GSAP: variants seen among roughly 807,000 people sequenced by gnomAD.
GSAP encodes the protein gamma-secretase activating protein.
GSAP carries 118 observed loss-of-function variants against 131.7 expected under a neutral mutation model. The observed-to-expected ratio is 0.90, with a 90% CI of 0.77 to 1.04. The LOEUF (loss-of-function observed/expected upper bound fraction) is 1.04. Among genes scored for constraint, GSAP ranks in the 50% least tolerant of loss-of-function variants. The pLI, the probability that GSAP is intolerant of heterozygous loss-of-function variation, is 0.00. For synonymous variants in GSAP, 381 were observed against 363.4 expected (o/e 1.05, Z -0.55); for missense variants, 1,019 against 1,013.2 (o/e 1.01, Z -0.08).
At chr7:77,383,145 C>T (rs1798036323) in intron 6 of GSAP, among the ~76,000 whole-genome samples, 1 of 152,132 alleles carries the variant, frequency 6.6e-6, no homozygotes, top group Non-Finnish European at 1.5e-5. Context: ...CAAGATCATG[C>T]CACTATACTC....
intron 19 of GSAP, among the ~76,000 whole-genome samples, chr7:77,335,340 G>C (rs1229853326): frequency 6.6e-6 from 1 of 152,164 alleles, no homozygotes; most frequent in African/African-American, 2.4e-5. Flanking sequence ...AGAGGTTGCA[G>C]TAAGCCAAGA....
intron 6 of GSAP, among the ~76,000 whole-genome samples, chr7:77,385,356 G>A (rs929606015): frequency 6.6e-6 from 1 of 152,072 alleles, no homozygotes; most frequent in Non-Finnish European, 1.5e-5. Flanking sequence ...TTAAAACTGA[G>A]TTCACATAAC....
chr7:77,392,265 A>T (rs1449722909), intron 5 of GSAP, among the ~76,000 whole-genome samples: 1 of 149,730 alleles, frequency 6.7e-6, no homozygotes, highest in Non-Finnish European at 1.5e-5. Flanking sequence ...ATATCAGTGG[A>T]GACTGGACAC....
chr7:77,374,023 G>T, intron 12 of GSAP, 47 bp downstream of exon 12: 1 of 1,047,544 alleles, frequency 9.5e-7, no homozygotes. Context: ...ATTTTGTCTA[G>T]AACTCAAATA....
intron 14 of GSAP, among the ~76,000 whole-genome samples, chr7:77,358,062 T>C (rs781607862): frequency 1.3e-5 from 2 of 152,226 alleles, no homozygotes; most frequent in Non-Finnish European, 2.9e-5. Flanking sequence ...TTTTATTGGC[T>C]GGGCACGGTG....
chr7:77,356,123 CAGCCTCCCCAAAT>C, intron 14 of GSAP, among the ~76,000 whole-genome samples: 1 of 152,270 alleles, frequency 6.6e-6, no homozygotes, highest in Admixed American at 6.5e-5. Flanking sequence ...CCTCCTGCCT[CAGCCTCCCCAAAT>C]GCTGGGATTA....
chr7:77,332,289 C>G (rs769199822), intron 19 of GSAP, among the ~76,000 whole-genome samples: 7 of 152,202 alleles, frequency 4.6e-5, no homozygotes, highest in Non-Finnish European at 1.0e-4. Flanking sequence ...TTTAAAAAAT[C>G]CCTTTCCTCA....
chr7:77,321,615 CTGTT>C (rs1386236444), intron 24 of GSAP, among the ~76,000 whole-genome samples: 1 of 152,188 alleles, frequency 6.6e-6, no homozygotes, highest in Non-Finnish European at 1.5e-5. Flanking sequence ...AAAGCATCCT[CTGTT>C]TGTGTGGGCA....
intron 8 of GSAP, among the ~76,000 whole-genome samples, chr7:77,380,406 G>A (rs1797619399): frequency 6.6e-6 from 1 of 152,072 alleles, no homozygotes. Context: ...TGAGGATTTA[G>A]CTCAAAGAAA....
intron 4 of GSAP, 45 bp downstream of exon 4, chr7:77,397,301 G>T (rs756334146): frequency 8.4e-5 from 93 of 1,107,462 alleles, no homozygotes; most frequent in South Asian, 7.1e-4. Flanking sequence ...ACTCTTGAAA[G>T]ATGTAGTTCA....
In GSAP at chr7:77,387,365, C is replaced by T. The variant is rs759089367; in HGVS notation, c.451G>A (p.Val151Ile). The change falls in exon 6 of 31, where the codon GTT becomes ATT. Residue 151 changes from valine to isoleucine, a missense_variant. By Grantham distance (29) the Val-to-Ile change is conservative (BLOSUM62 3). Coordinates refer to ENST00000257626, the MANE Select transcript of GSAP (RefSeq NM_017439.4). ...TAAATGGCATGCTTACTTACCTGAACCCAAATATAGCTATCCACAGCCTTT... is the reference window on the plus strand; with the variant it reads ...TAAATGGCATGCTTACTTACCTGAATCCAAATATAGCTATCCACAGCCTTT... ...VLKAVDSYIW[V>I]QFLYPHIESH... is the part of the protein sequence containing the mutation. The T allele has an allele frequency of 2.6e-6, 4 of 1,541,090 alleles. No individual in the cohort carries two copies. The highest frequency in any genetic ancestry group is 2.2e-5 in the South Asian group (2 of 89,388).
At chr7:77,345,650 G>A (rs534284138) in intron 19 of GSAP, among the ~76,000 whole-genome samples, 1 of 152,214 alleles carries the variant, frequency 6.6e-6, no homozygotes, top group Admixed American at 6.5e-5. Context: ...TCCTTCTCCT[G>A]GCTCAGAAGC....
At chr7:77,404,659 G>C in intron 2 of GSAP, 44 bp from the exon 3 acceptor site, 1 of 1,141,030 alleles carries the variant, frequency 8.8e-7, no homozygotes, top group Non-Finnish European at 1.3e-6. Flanking sequence ...CATTGTTTAG[G>C]AAGTTAGAAT....
intron 6 of GSAP, among the ~76,000 whole-genome samples, chr7:77,384,504 C>T (rs1798260233): frequency 6.6e-6 from 1 of 151,584 alleles, no homozygotes; most frequent in Non-Finnish European, 1.5e-5. Flanking sequence ...ATTATATTTA[C>T]TTTGAAAAAT....
intron 18 of GSAP, among the ~76,000 whole-genome samples, chr7:77,350,276 G>A (rs1362324836): frequency 2.3e-5 from 2 of 88,206 alleles, no homozygotes; most frequent in Admixed American, 2.8e-4. Flanking sequence ...ACTGTTGTGG[G>A]GTGGGGGGAG....
In GSAP at chr7:77,416,199, C is replaced by A; in HGVS notation, c.109+14G>T. 2 of 1,362,708 alleles carry A rather than the reference C, an allele frequency of 1.5e-6. No homozygotes were observed. Among genetic ancestry groups the A allele is most frequent in the Non-Finnish European group, 1.9e-6 (2 of 1,035,526 alleles). 84.4% of individuals were successfully genotyped at this position (1,362,708 alleles called of 1,614,324 possible). ...TCCCCGCCCCCACCCCTCTCCGCAG[C>A]GCGCCTCCCGCACCTGCGCCGCCGC... On this transcript the variant is annotated intron_variant, in intron 1 of 30. Coordinates refer to ENST00000257626, the MANE Select transcript of GSAP (RefSeq NM_017439.4).
At chr7:77,393,116 G>A (rs1054235765) in intron 5 of GSAP, among the ~76,000 whole-genome samples, 5 of 151,954 alleles carry the variant, frequency 3.3e-5, no homozygotes, top group African/African-American at 1.2e-4. Flanking sequence ...AAAGAACCCT[G>A]TTTACAAAAA....
In GSAP at chr7:77,406,052, C is replaced by T; in HGVS notation, c.163G>A (p.Gly55Arg). Residue 55 changes from glycine (G) to arginine (R), a missense_variant, in exon 2 of 31, where the codon GGA becomes AGA. By Grantham distance (125) the Gly-to-Arg change is moderately radical (BLOSUM62 -2). Transcript: ENST00000257626. ...SLHVLNVERNGNIIYTYKDDK... is the reference protein window; with the variant it reads ...SLHVLNVERNRNIIYTYKDDK... ...ACCTTATAGGTATAAATAATATTTC[C>T]ATTTCTTTCAACATTTAATACATGT... 3 of 1,041,332 alleles carry T rather than the reference C, an allele frequency of 2.9e-6. No homozygotes were observed. Among genetic ancestry groups the T allele is most frequent in the Non-Finnish European group, 4.0e-6 (3 of 759,350 alleles). The allele number at this position is 1,041,332 out of a possible 1,614,324, so 64.5% of individuals were successfully genotyped here. A position where few individuals can be genotyped will look rare whatever the true frequency, so the allele number is the denominator to read the frequency against.
chr7:77,376,269 A>G (rs1389455079), intron 10 of GSAP, among the ~76,000 whole-genome samples: 2 of 152,192 alleles, frequency 1.3e-5, no homozygotes. Context: ...GACACCTTCT[A>G]CTAATCCCCA....
Sources: allele counts gnomAD v4.1 joint callset (sites outside exome capture counted in the v4.1 genomes callset), GRCh38; gene constraint gnomAD v4.1.1; transcripts MANE v1.5; gene names NCBI Gene and HGNC (gene_info 2026-07-23, HGNC 2026-07-21).